CDK5RAP2: variants seen among roughly 807,000 people sequenced by gnomAD.
The protein encoded by CDK5RAP2 is CDK5 regulatory subunit-associated protein 2.
CDK5RAP2 carries 147 observed loss-of-function variants against 232.9 expected under a neutral mutation model. The ratio of observed to expected loss-of-function variants is 0.63; its 90% confidence interval spans 0.55 to 0.72. The LOEUF (loss-of-function observed/expected upper bound fraction) is 0.72. Ranked by LOEUF, CDK5RAP2 falls within the 30% of genes least tolerant of loss-of-function variation. CDK5RAP2 has a pLI of 0.00. For synonymous variants in CDK5RAP2, 833 were observed against 833.7 expected, an observed-to-expected ratio of 1.00 and a Z score of 0.01; for missense variants, 2,195 against 2,231.5, an observed-to-expected ratio of 0.98 and a Z score of 0.33.
At chr9:120,566,488 T>C (rs986216913) in intron 3 of CDK5RAP2, among the ~76,000 whole-genome samples, 1 of 152,052 alleles carries the variant, frequency 6.6e-6, no homozygotes, top group African/African-American at 2.4e-5. Context: ...CAAGAACACA[T>C]CTGAACAAGG....
At chr9:120,522,090 T>A (rs1377347145) in intron 11 of CDK5RAP2, among the ~76,000 whole-genome samples, 1 of 152,176 alleles carries the variant, frequency 6.6e-6, no homozygotes, top group East Asian at 1.9e-4. Flanking sequence ...ATATGTTACC[T>A]CCATATAATG....
chr9:120,489,823 T>C (rs1289939157), intron 13 of CDK5RAP2, among the ~76,000 whole-genome samples: 1 of 151,708 alleles, frequency 6.6e-6, no homozygotes, highest in Non-Finnish European at 1.5e-5. Context: ...TTTTTTTTTT[T>C]TGAGAAGGAG....
At chr9:120,552,879 G>C (rs1468002461) in intron 3 of CDK5RAP2, among the ~76,000 whole-genome samples, 1 of 151,808 alleles carries the variant, frequency 6.6e-6, no homozygotes, top group Non-Finnish European at 1.5e-5. Flanking sequence ...CATGACATCT[G>C]CAATTAACTC....
intron 21 of CDK5RAP2, among the ~76,000 whole-genome samples, chr9:120,451,784 T>G (rs1034637195): frequency 1.3e-5 from 2 of 151,250 alleles, no homozygotes; most frequent in Admixed American, 6.6e-5. Flanking sequence ...GAGCCTATAT[T>G]TCTTCATAAG....
intron 17 of CDK5RAP2, among the ~76,000 whole-genome samples, chr9:120,468,719 C>T (rs1024219246): frequency 2.0e-5 from 3 of 152,120 alleles, no homozygotes; most frequent in African/African-American, 7.2e-5. Flanking sequence ...TAACCATGTG[C>T]GAAAGAGCAG....
intron 16 of CDK5RAP2, 63 bp from the exon 17 acceptor site, chr9:120,470,283 T>G (rs1431361560): frequency 3.8e-6 from 3 of 788,750 alleles, no homozygotes; most frequent in Non-Finnish European, 6.3e-6. Context: ...CAGAAACAGA[T>G]CCTCCCAAGA....
intron 25 of CDK5RAP2, 106 bp downstream of exon 25, chr9:120,437,189 G>T: frequency 1.3e-6 from 1 of 790,420 alleles, no homozygotes; most frequent in Non-Finnish European, 2.2e-6. Flanking sequence ...CAAGGCAGAG[G>T]GGTGAAAGAT....
intron 3 of CDK5RAP2, among the ~76,000 whole-genome samples, chr9:120,566,278 G>A (rs1431413444): frequency 1.3e-5 from 2 of 152,166 alleles, no homozygotes; most frequent in African/African-American, 2.4e-5. Flanking sequence ...GACCTGAAAG[G>A]GAGACATCAA....
intron 28 of CDK5RAP2, among the ~76,000 whole-genome samples, chr9:120,413,777 G>T (rs1439058815): frequency 6.7e-6 from 1 of 150,006 alleles, no homozygotes; most frequent in African/African-American, 2.5e-5. Flanking sequence ...GAGGGTGAGG[G>T]GGGTATATGC....
intron 24 of CDK5RAP2, among the ~76,000 whole-genome samples, chr9:120,438,015 T>C (rs2035686824): frequency 1.3e-5 from 2 of 152,180 alleles, no homozygotes; most frequent in South Asian, 2.1e-4. Flanking sequence ...AGTAACTGAA[T>C]TCAGTGCTTT....
chr9:120,532,043 C>T (rs1349749360), intron 7 of CDK5RAP2, among the ~76,000 whole-genome samples: 2 of 150,478 alleles, frequency 1.3e-5, no homozygotes, highest in African/African-American at 2.4e-5. Flanking sequence ...GCAAGTTCTA[C>T]ATAGAGAAAA....
chr9:120,425,924 A>G (rs887818983), intron 25 of CDK5RAP2, among the ~76,000 whole-genome samples: 1 of 152,232 alleles, frequency 6.6e-6, no homozygotes, highest in African/African-American at 2.4e-5. Context: ...ACACACTGTG[A>G]TAAGGGGCCG....
rs1052092231 is a variant in CDK5RAP2, at chr9:120,389,025, G to C, written c.*211C>G. 1.3e-5 allele frequency: 8 copies of C among 601,828 alleles called. No individual in the cohort carries two copies. The highest frequency in any genetic ancestry group is 8.8e-5 in the Admixed American group (3 of 34,074). 37.3% of individuals were successfully genotyped at this position (601,828 alleles called of 1,614,324 possible). A position where few individuals can be genotyped will look rare whatever the true frequency, so the allele number is the denominator to read the frequency against. On this transcript the variant is annotated 3_prime_UTR_variant, in exon 38 of 38. Transcript: ENST00000349780. ...TCTGAAATACAACATCCAAGAGCTC[G>C]AGGCCTTTTTACCACCCGTTTGTGG...
intron 2 of CDK5RAP2, among the ~76,000 whole-genome samples, chr9:120,569,351 G>A (rs1290560245): frequency 6.6e-6 from 1 of 152,220 alleles, no homozygotes; most frequent in African/African-American, 2.4e-5. Context: ...AAGGACAACT[G>A]CATAATATGT....
intron 21 of CDK5RAP2, among the ~76,000 whole-genome samples, chr9:120,450,624 T>A (rs937430983): frequency 6.6e-6 from 1 of 152,212 alleles, no homozygotes; most frequent in Non-Finnish European, 1.5e-5. Context: ...CACTGAGGTC[T>A]CTTAAGAAGG....
chr9:120,495,671 C>CT (rs1209159964), intron 12 of CDK5RAP2, among the ~76,000 whole-genome samples: 1 of 96,680 alleles, frequency 1.0e-5, no homozygotes, highest in Non-Finnish European at 2.1e-5. Flanking sequence ...GTCAGCCCCC[C>CT]GCCCGGCCAG....
intron 25 of CDK5RAP2, among the ~76,000 whole-genome samples, chr9:120,430,872 A>T (rs1242864315): frequency 6.6e-6 from 1 of 152,144 alleles, no homozygotes; most frequent in African/African-American, 2.4e-5. Context: ...CAAATGTCCA[A>T]CAATGATAGA....
At chr9:120,529,726 A>G (rs934216248) in intron 8 of CDK5RAP2, among the ~76,000 whole-genome samples, 2 of 152,210 alleles carry the variant, frequency 1.3e-5, no homozygotes, top group Admixed American at 6.5e-5. Flanking sequence ...AAATCAACAC[A>G]TGGTAAAACA....
intron 15 of CDK5RAP2, 28 bp downstream of exon 15, chr9:120,477,320 CAT>C: frequency 6.7e-7 from 1 of 1,496,646 alleles, no homozygotes; most frequent in African/African-American, 1.4e-5. Flanking sequence ...TTCGCATTCA[CAT>C]GTGTGATGTC....
Sources: allele counts gnomAD v4.1 joint callset (sites outside exome capture counted in the v4.1 genomes callset), GRCh38; gene constraint gnomAD v4.1.1; transcripts MANE v1.5; gene names NCBI Gene and HGNC (gene_info 2026-07-23, HGNC 2026-07-21).